FAM193A: variants seen among roughly 807,000 people sequenced by gnomAD.
The protein encoded by FAM193A is family with sequence similarity 193 member A.
A neutral mutation model predicts 126.5 loss-of-function variants in FAM193A; 22 were observed. The ratio of observed to expected loss-of-function variants is 0.17; its 90% CI spans 0.12 to 0.25. FAM193A has a LOEUF of 0.25. FAM193A is among the 10% of genes least tolerant of loss of function. FAM193A has a pLI of 1.00. For synonymous variants in FAM193A, 761 were observed against 646.8 expected, an observed-to-expected ratio of 1.18 and a Z score of -2.68; for missense variants, 1,675 against 1,672.8, an observed-to-expected ratio of 1.00 and a Z score of -0.02.
chr4:2,689,376 G>A, intron 13 of FAM193A, 130 bp from the exon 14 acceptor site: 1 of 619,212 alleles, frequency 1.6e-6, no homozygotes, highest in Non-Finnish European at 2.7e-6. Context: ...TGCTCCCCCT[G>A]GGCTGAGCTC....
chr4:2,584,495 A>G (rs1437641307), intron 1 of FAM193A, among the ~76,000 whole-genome samples: 2 of 152,078 alleles, frequency 1.3e-5, no homozygotes, highest in Non-Finnish European at 2.9e-5. Context: ...AATGCATAAA[A>G]GTAATGTACA....
chr4:2,653,246 A>T (rs1273653322), intron 7 of FAM193A, among the ~76,000 whole-genome samples: 2 of 152,248 alleles, frequency 1.3e-5, no homozygotes, highest in African/African-American at 4.8e-5. Flanking sequence ...ATTTATTTTG[A>T]AATATTATAT....
chr4:2,580,458 C>T (rs1038820760), intron 1 of FAM193A, among the ~76,000 whole-genome samples: 4 of 152,098 alleles, frequency 2.6e-5, no homozygotes, highest in Admixed American at 6.6e-5. Context: ...GTAACCTGCA[C>T]GTGCTGCACA....
chr4:2,636,732 A>G (rs924299501), intron 5 of FAM193A, among the ~76,000 whole-genome samples: 6 of 152,194 alleles, frequency 3.9e-5, no homozygotes, highest in African/African-American at 1.4e-4. Context: ...CAAATTTTCT[A>G]AAGTTTTCTT....
intron 1 of FAM193A, among the ~76,000 whole-genome samples, chr4:2,561,862 A>C (rs1339938938): frequency 6.6e-6 from 1 of 152,148 alleles, no homozygotes; most frequent in Non-Finnish European, 1.5e-5. Flanking sequence ...GATATTTATT[A>C]GAATGTTGTT....
intron 2 of FAM193A, among the ~76,000 whole-genome samples, chr4:2,618,304 T>C (rs1029934602): frequency 6.6e-6 from 1 of 152,202 alleles, no homozygotes; most frequent in Admixed American, 6.5e-5. Context: ...TCCTCAAATT[T>C]AGAAATATTT....
At chr4:2,535,404 C>T (rs1736825999), upstream of FAM193A, among the ~76,000 whole-genome samples, 1 of 152,222 alleles carries the variant, frequency 6.6e-6, no homozygotes, top group Admixed American at 6.5e-5. Flanking sequence ...AACAGTAGAG[C>T]TCGGTTAACG....
At chr4:2,625,605 A>AAGG (rs149768217) in intron 3 of FAM193A, 5,493 of 409,862 alleles carry the variant, frequency 0.013, 277 homozygotes, top group African/African-American at 0.1. Flanking sequence ...AGAACAAGAG[A>AAGG]AGGAGTCCTT....
rs77947682 is a variant in FAM193A, at chr4:2,667,539, C to G, written c.2079+4251C>G. ...TTGTTATAGCTCCCCTGATATATTG[C>G]CCCTTTTATCATTATGAAATGTTTG... On this transcript the variant is annotated intron_variant, in intron 12 of 20. Transcript: ENST00000637812. 2.7e-4 allele frequency among the ~76,000 whole-genome samples: 41 copies of G among 152,218 alleles called. No individual in the cohort carries two copies. The East Asian group carries it at 7.7e-3, about 29-fold the overall frequency.
At chr4:2,573,957 A>G (rs1341961788) in intron 1 of FAM193A, among the ~76,000 whole-genome samples, 1 of 152,188 alleles carries the variant, frequency 6.6e-6, no homozygotes, top group African/African-American at 2.4e-5. Flanking sequence ...TCCAGGTAAC[A>G]AGGAGACCTG....
At chr4:2,556,844 T>C (rs1033577316) in intron 1 of FAM193A, among the ~76,000 whole-genome samples, 1 of 152,218 alleles carries the variant, frequency 6.6e-6, no homozygotes, top group African/African-American at 2.4e-5. Context: ...CTTGAATATT[T>C]TGAGCACCAT....
At chr4:2,629,693 C>T (rs1743351795) in intron 4 of FAM193A, among the ~76,000 whole-genome samples, 1 of 152,174 alleles carries the variant, frequency 6.6e-6, no homozygotes, top group South Asian at 2.1e-4. Context: ...GAGTGATGAA[C>T]TCAAACTGGT....
intron 2 of FAM193A, among the ~76,000 whole-genome samples, chr4:2,603,353 C>G (rs975094047): frequency 2.7e-5 from 4 of 149,764 alleles, no homozygotes; most frequent in Non-Finnish European, 5.9e-5. Context: ...GGCGTGATTT[C>G]GGCTCAACGC....
At chr4:2,669,338 G>T (rs1281951461) in intron 12 of FAM193A, among the ~76,000 whole-genome samples, 1 of 152,052 alleles carries the variant, frequency 6.6e-6, no homozygotes, top group African/African-American at 2.4e-5. Context: ...AATAGACCAG[G>T]CATGGGGGTG....
chr4:2,626,208 G>A (rs1312034244), intron 3 of FAM193A, among the ~76,000 whole-genome samples: 1 of 152,184 alleles, frequency 6.6e-6, no homozygotes, highest in African/African-American at 2.4e-5. Context: ...CATCTGTGCA[G>A]TGGCTAAGAT....
intron 20 of FAM193A, among the ~76,000 whole-genome samples, chr4:2,729,033 C>T (rs1721082221): frequency 6.6e-6 from 1 of 151,316 alleles, no homozygotes; most frequent in Non-Finnish European, 1.5e-5. Context: ...GGGAGGGCCT[C>T]CTCCATCCAC....
At chr4:2,614,043 G>C (rs1742043625) in intron 2 of FAM193A, among the ~76,000 whole-genome samples, 1 of 152,188 alleles carries the variant, frequency 6.6e-6, no homozygotes, top group African/African-American at 2.4e-5. Flanking sequence ...AAAGTGCTGG[G>C]ATTACAGGCC....
At position 2,627,067 on chromosome 4, in the gene FAM193A, C is replaced by T. The variant is rs569750310; in HGVS notation, c.803+490C>T. Among the ~76,000 whole-genome samples the T allele has an allele frequency of 8.5e-5, 13 of 152,122 alleles. No homozygotes were observed. In the East Asian group the frequency reaches 1.4e-3, roughly 16 times the overall value. On this transcript the variant is annotated intron_variant, in intron 4 of 20. Coordinates refer to ENST00000637812, the MANE Select transcript of FAM193A (RefSeq NM_001366318.2). The stretch of plus-strand genomic sequence containing the variant: ...GCCGTGTGGCTGTTTCTCATGATGC[C>T]GCAGCCGTTCTTCAGCAGATACCTT...
At chr4:2,682,838 T>G (rs1448696596) in intron 13 of FAM193A, among the ~76,000 whole-genome samples, 1 of 152,248 alleles carries the variant, frequency 6.6e-6, no homozygotes, top group Admixed American at 6.5e-5. Context: ...TCCACATGTT[T>G]ATCACCCAGT....
Sources: allele counts gnomAD v4.1 joint callset (sites outside exome capture counted in the v4.1 genomes callset), GRCh38; gene constraint gnomAD v4.1.1; transcripts MANE v1.5; gene names NCBI Gene and HGNC (gene_info 2026-07-23, HGNC 2026-07-21).